CALN1: variants seen among roughly 807,000 people sequenced by gnomAD.
The protein encoded by CALN1 is calneuron 1.
In CALN1, 17 loss-of-function variants were observed where a neutral mutation model predicts 30.6. The ratio of observed to expected loss-of-function variants is 0.56; its 90% confidence interval spans 0.38 to 0.83. The LOEUF is 0.83. Among genes scored for constraint, CALN1 ranks in the 40% least tolerant of loss-of-function variants. The pLI is 0.00. For synonymous variants in CALN1, 156 were observed against 131.4 expected (o/e 1.19, Z -1.28); for missense variants, 291 against 354.9 (o/e 0.82, Z 1.45).
At chr7:72,266,097 A>G (rs506345) in intron 3 of CALN1, among the ~76,000 whole-genome samples, 87,197 of 151,508 alleles carry the variant, frequency 0.58, 25,447 homozygotes, top group African/African-American at 0.65. Flanking sequence ...AGGCACCACC[A>G]CATTCCAGCC....
chr7:72,381,925 A>G (rs977018054), intron 2 of CALN1, among the ~76,000 whole-genome samples: 24 of 152,252 alleles, frequency 1.6e-4, no homozygotes, highest in Non-Finnish European at 2.6e-4. Context: ...AGAGGATATC[A>G]TAAGAAAAAT....
At chr7:72,048,183 G>A (rs945564539) in intron 4 of CALN1, among the ~76,000 whole-genome samples, 3 of 151,916 alleles carry the variant, frequency 2.0e-5, no homozygotes, top group Non-Finnish European at 4.4e-5. Context: ...GGGAGTACAG[G>A]TGTATGCCAT....
At position 72,336,040 on chromosome 7, in the gene CALN1, T is replaced by C. The variant is rs1209435332; in HGVS notation, c.120-57230A>G. The stretch of plus-strand genomic sequence containing the variant: ...CACCTGGGCGCCAGACCCATCCAGC[T>C]GCTTGGAGCTCAGAGACTAGGTCCC... On this transcript the variant is annotated intron_variant, in intron 2 of 6. Coordinates refer to ENST00000395275, the MANE Select transcript of CALN1 (RefSeq NM_031468.4). Among the ~76,000 whole-genome samples the C allele has an allele frequency of 2.6e-5, 4 of 152,126 alleles. No individual in the cohort carries two copies. In the East Asian group the frequency reaches 7.7e-4, roughly 29 times the overall value.
At chr7:72,187,773 G>A (rs1207405101) in intron 3 of CALN1, among the ~76,000 whole-genome samples, 1 of 152,036 alleles carries the variant, frequency 6.6e-6, no homozygotes, top group Non-Finnish European at 1.5e-5. Flanking sequence ...CTTTTCCTTG[G>A]AACAAGTCAT....
Position 72,023,650 on chromosome 7 carries a change from T to C in CALN1, c.501+7A>G, listed in dbSNP as rs373413447. 5.6e-6 allele frequency: 9 copies of C among 1,607,532 alleles called. No homozygotes were observed. The highest frequency in any genetic ancestry group is 2.2e-5 in the East Asian group (1 of 44,840). On this transcript the variant is annotated splice_region_variant and intron_variant, in intron 5 of 6. Transcript: ENST00000395275. ...AACTTAGTCTGAAAAAAAATATTCT[T>C]ACTCACCTGCCAGAATATGCTGTCT...
chr7:72,357,848 T>TTTTATATATTTATATATATTTTTA (rs144178757), intron 2 of CALN1, among the ~76,000 whole-genome samples: 10 of 147,686 alleles, frequency 6.8e-5, no homozygotes, highest in Non-Finnish European at 1.0e-4. Flanking sequence ...TTATATATAT[T>TTTTATATATTTATATATATTTTTA]TATATTTATA....
chr7:71,949,547 A>G (rs894511975), intron 5 of CALN1, among the ~76,000 whole-genome samples: 2 of 151,648 alleles, frequency 1.3e-5, no homozygotes, highest in Non-Finnish European at 2.9e-5. Flanking sequence ...GTGCCTGGCT[A>G]ATTTTTGTTT....
intron 5 of CALN1, among the ~76,000 whole-genome samples, chr7:72,021,592 C>A (rs1369877015): frequency 6.6e-6 from 1 of 152,104 alleles, no homozygotes; most frequent in African/African-American, 2.4e-5. Flanking sequence ...ATCCTAACAA[C>A]AGTTCAGGGA....
chr7:72,388,149 T>G (rs1805354832), intron 2 of CALN1, among the ~76,000 whole-genome samples: 1 of 152,206 alleles, frequency 6.6e-6, no homozygotes, highest in Admixed American at 6.5e-5. Context: ...GATAAATGTT[T>G]GAAGTGATGA....
chr7:72,030,726 G>GT (rs1032742251), intron 4 of CALN1, among the ~76,000 whole-genome samples: 3 of 152,038 alleles, frequency 2.0e-5, no homozygotes, highest in African/African-American at 4.8e-5. Context: ...GGTGGACATG[G>GT]TTTTTTAAAA....
chr7:71,827,878 G>A (rs1789024830), intron 5 of CALN1, among the ~76,000 whole-genome samples: 3 of 152,040 alleles, frequency 2.0e-5, no homozygotes, highest in South Asian at 4.2e-4. Flanking sequence ...AGGCAAGGGT[G>A]GGTCCATGTG....
intron 3 of CALN1, among the ~76,000 whole-genome samples, chr7:72,154,818 G>A (rs1787537370): frequency 6.6e-6 from 1 of 152,148 alleles, no homozygotes. Context: ...TGAAGAGAAA[G>A]GAGGATTACT....
rs146716833 is a variant in CALN1 at position 72,425,396 on chromosome 7, G to A, written c.-225-13121C>T. On this transcript the variant is annotated intron_variant, in intron 1 of 6. Transcript: ENST00000395276. ...CCCAAAGTGCAGGGATTACAGGCAT[G>A]AGCCACCACGCTCGGCCTCCTGCCC... Among the ~76,000 whole-genome samples the A allele has an allele frequency of 4.4e-3, 664 of 152,318 alleles. 3 individuals are homozygous for A. Among genetic ancestry groups the A allele is most frequent in the African/African-American group, 0.015 (631 of 41,570 alleles).
chr7:72,490,967 G>A, the CALN1 span, among the ~76,000 whole-genome samples: 7 of 152,132 alleles, frequency 4.6e-5, no homozygotes, highest in Non-Finnish European at 8.8e-5. Flanking sequence ...GCTCAAGGCC[G>A]GGCGCGGTGG....
At chr7:71,889,968 A>G (rs1793144364) in intron 5 of CALN1, among the ~76,000 whole-genome samples, 3 of 115,496 alleles carry the variant, frequency 2.6e-5, no homozygotes, top group Admixed American at 9.1e-5. Flanking sequence ...CTGTCTCGGA[A>G]AAAAAAAAAA....
At chr7:71,827,000 T>A (rs563417473) in intron 5 of CALN1, among the ~76,000 whole-genome samples, 1 of 152,298 alleles carries the variant, frequency 6.6e-6, no homozygotes, top group South Asian at 2.1e-4. Flanking sequence ...ATTGATCTCT[T>A]GCAGCCTGGA....
At chr7:72,195,032 C>T (rs1008954726) in intron 3 of CALN1, among the ~76,000 whole-genome samples, 1 of 152,170 alleles carries the variant, frequency 6.6e-6, no homozygotes, top group African/African-American at 2.4e-5. Flanking sequence ...GTATTCCTTG[C>T]CTCTCGTCCC....
chr7:71,998,217 T>C (rs1799348913), intron 5 of CALN1, among the ~76,000 whole-genome samples: 2 of 152,092 alleles, frequency 1.3e-5, no homozygotes, highest in Non-Finnish European at 2.9e-5. Context: ...AAATTTACCA[T>C]GATCAGATTT....
At chr7:71,853,963 T>C (rs1464934297) in intron 5 of CALN1, among the ~76,000 whole-genome samples, 1 of 152,172 alleles carries the variant, frequency 6.6e-6, no homozygotes, top group Non-Finnish European at 1.5e-5. Flanking sequence ...AACCTTTGTC[T>C]ACCTCCAGTT....
Sources: allele counts gnomAD v4.1 joint callset (sites outside exome capture counted in the v4.1 genomes callset), GRCh38; gene constraint gnomAD v4.1.1; transcripts MANE v1.5; gene names NCBI Gene and HGNC (gene_info 2026-07-23, HGNC 2026-07-21).